ST3GAL4: variants seen among roughly 807,000 people sequenced by gnomAD.
ST3GAL4 encodes the protein CMP-N-acetylneuraminate-beta-galactosamide-alpha-2,3-sialyltransferase 4.
A neutral mutation model predicts 42.6 loss-of-function variants in ST3GAL4; 24 were observed. That is an observed-to-expected ratio of 0.56 (90% CI 0.41 to 0.79). ST3GAL4 has a LOEUF of 0.79. Among genes scored for constraint, ST3GAL4 ranks in the 30% least tolerant of loss-of-function variants. The pLI, the probability that ST3GAL4 is intolerant of heterozygous loss-of-function variation, is 0.00. For synonymous variants in ST3GAL4, 135 were observed against 163.2 expected (o/e 0.83, Z 1.32); for missense variants, 311 against 430.8 (o/e 0.72, Z 2.46).
Position 126,407,233 on chromosome 11 carries a change from G to A in ST3GAL4, c.183-19G>A, listed in dbSNP as rs1954278724. The A allele has an allele frequency of 1.9e-6, 3 of 1,613,452 alleles. No individual in the cohort carries two copies. The highest frequency in any genetic ancestry group is 2.5e-6 in the Non-Finnish European group (3 of 1,179,384). On this transcript the variant is annotated intron_variant, in intron 4 of 10. Transcript: ENST00000444328. ...ATTAATTCTGTTCTCATCCCCACCC[G>A]GCTTTCACCTCTGTGCAGCTACTCC...
chr11:126,409,385 A>G lies in ST3GAL4; in HGVS notation c.745A>G (p.Met249Val), dbSNP rs1407392517. The G allele has an allele frequency of 3.1e-6, 5 of 1,614,078 alleles. No homozygotes were observed. The highest frequency in any genetic ancestry group is 2.2e-5 in the East Asian group (1 of 44,900). Residue 249 changes from methionine (M) to valine (V), a missense_variant, in exon 9 of 11, where the codon ATG (methionine) becomes GTG (valine). Coordinates refer to ENST00000444328, the MANE Select transcript of ST3GAL4 (RefSeq NM_001254757.2). This position sits in a 1 kb window ranked among gnomAD's most constrained non-coding sequence, Gnocchi z 4.9. ...AGCTGACAAACTGCTGAGCCTGCCA[A>G]TGCAACAGCCACGGAAGATTAAGCA... ...IAADKLLSLP[M>V]QQPRKIKQKP...
chr11:126,396,463 T>C lies in ST3GAL4; in HGVS notation c.-60-9633T>C, dbSNP rs150647522. Among the ~76,000 whole-genome samples, 164 of 152,080 alleles carry C rather than the reference T, an allele frequency of 1.1e-3. 2 individuals carry two copies. The East Asian group carries it at 0.021, about 19-fold the overall frequency. On this transcript the variant is annotated intron_variant, in intron 1 of 10. Transcript: ENST00000444328. This position sits in a 1 kb window ranked among gnomAD's most constrained non-coding sequence, Gnocchi z 5.8. ...CAGCTGGCAGGCATTAGTGGTCCCA[T>C]GAATACAGCTGTGTGCCTTGAACAC...
chr11:126,378,522 C>T lies in ST3GAL4; in HGVS notation c.-61+22680C>T, dbSNP rs1952897748. Among the ~76,000 whole-genome samples the T allele has an allele frequency of 6.6e-6, 1 of 152,132 alleles. No homozygotes were observed. The highest frequency in any genetic ancestry group is 1.5e-5 in the Non-Finnish European group (1 of 68,020). ...TTCCCGGGTTCATGCGATTCTCCTGCCTCAGCCTCCCAAGTAGCTGGGACT... is the reference window on the plus strand; with the variant it reads ...TTCCCGGGTTCATGCGATTCTCCTGTCTCAGCCTCCCAAGTAGCTGGGACT... On this transcript the variant is annotated intron_variant, in intron 1 of 10. Transcript: ENST00000444328. This position sits in a 1 kb window ranked among gnomAD's most constrained non-coding sequence, Gnocchi z 5.3.
intron 1 of ST3GAL4, among the ~76,000 whole-genome samples, chr11:126,389,155 TA>T (rs1410267237): frequency 1.3e-5 from 2 of 152,198 alleles, no homozygotes; most frequent in East Asian, 3.8e-4. Flanking sequence ...CTGTCTCACT[TA>T]AATTTTATGT....
Position 126,384,700 on chromosome 11 carries a change from C to G in ST3GAL4, c.-60-21396C>G, listed in dbSNP as rs1953150154. The G allele has an allele frequency of 1.0e-6, 1 of 985,268 alleles. No individual in the cohort carries two copies. The highest frequency in any genetic ancestry group is 4.7e-5 in the South Asian group (1 of 21,288). 61.0% of individuals were successfully genotyped at this position (985,268 alleles called of 1,614,324 possible). ...TCCCTAGGGGCCTCCTCCCCCTCCC[C>G]TTCTGCATGCCACCACACCCCAGCA... On this transcript the variant is annotated intron_variant, in intron 1 of 10. Coordinates refer to ENST00000444328, the MANE Select transcript of ST3GAL4 (RefSeq NM_001254757.2). The surrounding 1 kb of genome is among the most constrained non-coding windows in gnomAD (Gnocchi z 5.5).
chr11:126,361,671 G>T (rs1271090978), intron 1 of ST3GAL4, among the ~76,000 whole-genome samples: 2 of 152,014 alleles, frequency 1.3e-5, no homozygotes, highest in African/African-American at 2.4e-5. Flanking sequence ...CCCTGTGCTG[G>T]GGTGACCCCA....
At chr11:126,368,146 CA>C (rs59203608) in intron 1 of ST3GAL4, among the ~76,000 whole-genome samples, 346 of 124,926 alleles carry the variant, frequency 2.8e-3, no homozygotes, top group Middle Eastern at 4.3e-3. Flanking sequence ...GACTGTCTCA[CA>C]AAAAAAAAAA....
chr11:126,377,399 G>GACCTCAGGTGATCCACCT (rs1952860772), intron 1 of ST3GAL4, among the ~76,000 whole-genome samples: 1 of 151,458 alleles, frequency 6.6e-6, no homozygotes, highest in African/African-American at 2.4e-5. Context: ...TTGAACTCCT[G>GACCTCAGGTGATCCACCT]ACCTCAGGTG....
chr11:126,414,449 A>T lies in ST3GAL4; in HGVS notation c.*402A>T. 1 of 212,780 alleles carries T rather than the reference A, an allele frequency of 4.7e-6. No homozygotes were observed. Among genetic ancestry groups the T allele is most frequent in the Non-Finnish European group, 9.6e-6 (1 of 103,928 alleles). The allele number at this position is 212,780 out of a possible 1,614,324, so 13.2% of individuals were successfully genotyped here. On this transcript the variant is annotated 3_prime_UTR_variant, in exon 11 of 11. Transcript: ENST00000444328. ...AAAACTTACAGCGATGGCCCCACCA[A>T]GGCCTAGACACGGCACTGGCCTCCC...
intron 1 of ST3GAL4, among the ~76,000 whole-genome samples, chr11:126,372,627 G>T (rs1417527940): frequency 3.9e-5 from 6 of 152,038 alleles, no homozygotes; most frequent in African/African-American, 1.4e-4. Flanking sequence ...TGTTGGTCAG[G>T]CTGGTCTCGA....
chr11:126,378,837 CT>C lies in ST3GAL4; in HGVS notation c.-61+22998del, dbSNP rs1489801067. On this transcript the variant is annotated intron_variant, in intron 1 of 10. Transcript: ENST00000444328. This position sits in a 1 kb window ranked among gnomAD's most constrained non-coding sequence, Gnocchi z 5.3. ...AAGTTCTCTGATGATATGGTTGAGG[CT>C]TTCATGGTCATGTTCAGATTTTATA... 1.3e-5 allele frequency among the ~76,000 whole-genome samples: 2 copies of C among 152,154 alleles called. No homozygotes were observed. Among genetic ancestry groups the C allele is most frequent in the African/African-American group, 4.8e-5 (2 of 41,434 alleles).
rs58479155 is a variant in ST3GAL4 at position 126,399,301 on chromosome 11, C to CTTTTTTTTT, written c.-60-6782_-60-6774dup. Among the ~76,000 whole-genome samples, 179 of 87,682 alleles carry CTTTTTTTTT rather than the reference C, an allele frequency of 2.0e-3. 2 individuals carry two copies. Among genetic ancestry groups the CTTTTTTTTT allele is most frequent in the Non-Finnish European group, 2.5e-3 (126 of 49,442 alleles). 57.5% of individuals were successfully genotyped at this position (87,682 alleles called of 152,430 possible). ...TATAAATTTCTTTCTTTCTTTCCTT[C>CTTTTTTTTT]TTTTTTTTTTTTTTTTTTTTTGAGA... On this transcript the variant is annotated intron_variant, in intron 1 of 10. Coordinates refer to ENST00000444328, the MANE Select transcript of ST3GAL4 (RefSeq NM_001254757.2).
chr11:126,388,304 G>C, intron 1 of ST3GAL4, among the ~76,000 whole-genome samples: 1 of 152,084 alleles, frequency 6.6e-6, no homozygotes, highest in African/African-American at 2.4e-5. Flanking sequence ...AAATATTCAT[G>C]TCCTTTGGCT....
intron 6 of ST3GAL4, 29 bp downstream of exon 6, chr11:126,407,663 G>A: frequency 6.2e-7 from 1 of 1,612,252 alleles, no homozygotes; most frequent in Non-Finnish European, 8.5e-7. Flanking sequence ...TCCAGTCTGG[G>A]CACCTTCTCC....
chr11:126,371,163 C>CT lies in ST3GAL4; in HGVS notation c.-61+15340dup, dbSNP rs551443393. On this transcript the variant is annotated intron_variant, in intron 1 of 10. Transcript: ENST00000444328. ...ATCTATTCTATTCTTCCCCACATTCCTTTTTTTTTTTTTTTTTTTGAGATG... is the reference window on the plus strand; with the variant it reads ...ATCTATTCTATTCTTCCCCACATTCCTTTTTTTTTTTTTTTTTTTTGAGATG... Among the ~76,000 whole-genome samples the CT allele has an allele frequency of 2.0e-3, 118 of 59,962 alleles. 15 individuals carry two copies. The highest frequency in any genetic ancestry group is 9.6e-3 in the East Asian group (32 of 3,322). The allele number at this position is 59,962 out of a possible 152,430, so 39.3% of individuals were successfully genotyped here.
intron 1 of ST3GAL4, among the ~76,000 whole-genome samples, chr11:126,404,210 A>G (rs1338327906): frequency 2.6e-5 from 4 of 152,218 alleles, no homozygotes; most frequent in Non-Finnish European, 4.4e-5. Context: ...GAAGGGGCCA[A>G]AGAATCCACT....
rs1954653439 is a variant in ST3GAL4 at position 126,414,432 on chromosome 11, C to G, written c.*385C>G. The G allele has an allele frequency of 8.7e-6, 2 of 228,762 alleles. No homozygotes were observed. The highest frequency in any genetic ancestry group is 1.8e-5 in the Non-Finnish European group (2 of 113,462). 14.2% of individuals were successfully genotyped at this position (228,762 alleles called of 1,614,324 possible). On this transcript the variant is annotated 3_prime_UTR_variant, in exon 11 of 11. Coordinates refer to ENST00000444328, the MANE Select transcript of ST3GAL4 (RefSeq NM_001254757.2). Reference sequence around the variant, plus strand: ...TCTGCCCACTTTTTATAAAAACTTACAGCGATGGCCCCACCAAGGCCTAGA... The same window carrying G: ...TCTGCCCACTTTTTATAAAAACTTAGAGCGATGGCCCCACCAAGGCCTAGA...
At chr11:126,360,344 C>T (rs1023585253) in intron 1 of ST3GAL4, among the ~76,000 whole-genome samples, 6 of 152,166 alleles carry the variant, frequency 3.9e-5, no homozygotes, top group Non-Finnish European at 5.9e-5. Context: ...TGTGGGTATG[C>T]GCCACCACAC....
At chr11:126,367,062 C>T (rs1423705467) in intron 1 of ST3GAL4, among the ~76,000 whole-genome samples, 2 of 152,024 alleles carry the variant, frequency 1.3e-5, no homozygotes, top group Non-Finnish European at 2.9e-5. Flanking sequence ...CTGTAGGGGG[C>T]ACCGTGGTGG....
Sources: allele counts gnomAD v4.1 joint callset (sites outside exome capture counted in the v4.1 genomes callset), GRCh38; gene constraint gnomAD v4.1.1; non-coding constraint Gnocchi (gnomAD v3.1); transcripts MANE v1.5; gene names NCBI Gene and HGNC (gene_info 2026-07-23, HGNC 2026-07-21).